The following DNAJC1 variants were observed in gnomAD, a reference collection of about 807,000 sequenced individuals.
DNAJC1 encodes the protein dnaJ homolog subfamily C member 1.
In DNAJC1, 58 loss-of-function variants were observed where a neutral mutation model predicts 76.6. The ratio of observed to expected loss-of-function variants is 0.76; its 90% CI spans 0.61 to 0.94. The LOEUF (loss-of-function observed/expected upper bound fraction) is 0.94, where lower values mean the gene tolerates loss of function less well. Among genes scored for constraint, DNAJC1 ranks in the 40% least tolerant of loss-of-function variants. The pLI is 0.00. For missense variants in DNAJC1, 689 were observed against 677.3 expected (o/e 1.02, Z -0.19); for synonymous variants, 258 against 267.9 (o/e 0.96, Z 0.36).
chr10:21,881,724 G>A (rs1836281638), intron 8 of DNAJC1, among the ~76,000 whole-genome samples: 2 of 151,210 alleles, frequency 1.3e-5, no homozygotes, highest in South Asian at 4.2e-4. Context: ...GTAATGAAAA[G>A]TTTGAAATAC....
At chr10:21,766,614 AT>A (rs1325243109) in intron 9 of DNAJC1, among the ~76,000 whole-genome samples, 4 of 151,392 alleles carry the variant, frequency 2.6e-5, no homozygotes, top group Non-Finnish European at 4.4e-5. Context: ...TTTCATTTTT[AT>A]TTTTTTTTAA....
At chr10:21,833,502 A>C (rs1040742819) in intron 8 of DNAJC1, among the ~76,000 whole-genome samples, 1 of 152,162 alleles carries the variant, frequency 6.6e-6, no homozygotes, top group Non-Finnish European at 1.5e-5. Flanking sequence ...TAAATTTAAA[A>C]AAGCATGAAT....
chr10:21,837,067 C>T (rs113311567), intron 8 of DNAJC1, among the ~76,000 whole-genome samples: 2,074 of 152,366 alleles, frequency 0.014, 23 homozygotes, highest in Non-Finnish European at 0.021. Flanking sequence ...TGCGCCGCCA[C>T]GCCTGACTGG....
At chr10:21,826,332 T>G (rs1197273744) in intron 8 of DNAJC1, among the ~76,000 whole-genome samples, 1 of 152,048 alleles carries the variant, frequency 6.6e-6, no homozygotes, top group African/African-American at 2.4e-5. Context: ...CTCTCTCTTT[T>G]TATTTTAGAG....
rs1836173489 is a variant in DNAJC1, at chr10:21,875,539, T to A, written c.978+6743A>T. Among the ~76,000 whole-genome samples, 3 of 152,254 alleles carry A rather than the reference T, an allele frequency of 2.0e-5. No homozygotes were observed. The South Asian group carries it at 6.2e-4, about 31-fold the overall frequency. ...TTTGAGATTGGGAATGAAACAAGGA[T>A]ACTTGTTATCATCACTTCTATTCTA... On this transcript the variant is annotated intron_variant, in intron 8 of 11. Coordinates refer to ENST00000376980, the MANE Select transcript of DNAJC1 (RefSeq NM_022365.4).
intron 8 of DNAJC1, among the ~76,000 whole-genome samples, chr10:21,879,549 A>G (rs920504166): frequency 2.0e-5 from 3 of 152,124 alleles, no homozygotes; most frequent in Admixed American, 2.0e-4. Flanking sequence ...GCTTGAACCC[A>G]GAAGGCAGAG....
intron 9 of DNAJC1, among the ~76,000 whole-genome samples, chr10:21,778,258 G>A (rs1409511234): frequency 6.6e-6 from 1 of 152,126 alleles, no homozygotes; most frequent in Non-Finnish European, 1.5e-5. Flanking sequence ...AGCAATATGA[G>A]GACCTGCAAA....
Position 22,000,994 on chromosome 10 carries a change from T to C in DNAJC1, c.222+2219A>G, listed in dbSNP as rs190056372. Among the ~76,000 whole-genome samples, 4 of 152,344 alleles carry C rather than the reference T, an allele frequency of 2.6e-5. No individual in the cohort carries two copies. The East Asian group carries it at 7.7e-4, about 29-fold the overall frequency. Reference sequence around the variant, plus strand: ...TTACCCACATGGCTTACTCCCTAACTTCTCTCAGAGGCCTGCTCTGACCAT... The same window carrying C: ...TTACCCACATGGCTTACTCCCTAACCTCTCTCAGAGGCCTGCTCTGACCAT... On this transcript the variant is annotated intron_variant, in intron 1 of 11. Transcript: ENST00000376980.
At chr10:21,805,166 C>A (rs948311703) in intron 9 of DNAJC1, among the ~76,000 whole-genome samples, 1 of 151,900 alleles carries the variant, frequency 6.6e-6, no homozygotes, top group South Asian at 2.1e-4. Context: ...CTTTCAGTAA[C>A]CCTCTAAGTA....
intron 9 of DNAJC1, among the ~76,000 whole-genome samples, chr10:21,804,418 T>C (rs1455603919): frequency 6.6e-6 from 1 of 152,070 alleles, no homozygotes; most frequent in Non-Finnish European, 1.5e-5. Context: ...CTTTTGATAA[T>C]CACTGTATTA....
chr10:21,944,372 T>C (rs1293603814), intron 1 of DNAJC1, among the ~76,000 whole-genome samples: 1 of 152,226 alleles, frequency 6.6e-6, no homozygotes, highest in African/African-American at 2.4e-5. Context: ...TAATATTCCA[T>C]TCCATACTGA....
chr10:21,816,506 G>A (rs994686147), intron 8 of DNAJC1, among the ~76,000 whole-genome samples: 42 of 151,014 alleles, frequency 2.8e-4, no homozygotes, highest in African/African-American at 8.5e-4. Flanking sequence ...ACAGGAGCTC[G>A]AGACCAGCCT....
intron 7 of DNAJC1, among the ~76,000 whole-genome samples, chr10:21,890,340 G>A (rs1836441518): frequency 1.3e-5 from 2 of 150,568 alleles, no homozygotes; most frequent in South Asian, 2.1e-4. Flanking sequence ...TTGAACCTGC[G>A]AGGCAGAGGT....
intron 1 of DNAJC1, among the ~76,000 whole-genome samples, chr10:21,970,307 T>C (rs1385887113): frequency 6.6e-6 from 1 of 152,084 alleles, no homozygotes; most frequent in Non-Finnish European, 1.5e-5. Flanking sequence ...AATAAATTAA[T>C]ACTCTCATTT....
chr10:21,991,198 G>A (rs761109351), intron 1 of DNAJC1, among the ~76,000 whole-genome samples: 3 of 152,116 alleles, frequency 2.0e-5, no homozygotes, highest in African/African-American at 7.2e-5. Context: ...TAGGGAGAAT[G>A]GGCACCCTGA....
intron 1 of DNAJC1, among the ~76,000 whole-genome samples, chr10:21,954,140 A>G (rs1837642923): frequency 6.6e-6 from 1 of 152,194 alleles, no homozygotes; most frequent in African/African-American, 2.4e-5. Flanking sequence ...TGAGAGGAAT[A>G]GCGATGAGAA....
intron 1 of DNAJC1, among the ~76,000 whole-genome samples, chr10:21,955,397 T>A (rs1837661221): frequency 6.6e-6 from 1 of 152,186 alleles, no homozygotes; most frequent in East Asian, 1.9e-4. Context: ...ATAATGGAGA[T>A]ACAGTGTATA....
intron 8 of DNAJC1, among the ~76,000 whole-genome samples, chr10:21,829,526 A>AT (rs1835321505): frequency 6.6e-6 from 1 of 150,782 alleles, no homozygotes; most frequent in Non-Finnish European, 1.5e-5. Flanking sequence ...ATTTTTTTGT[A>AT]TTTTTACTAG....
chr10:21,768,096 T>C (rs1448151747), intron 9 of DNAJC1, among the ~76,000 whole-genome samples: 1 of 152,232 alleles, frequency 6.6e-6, no homozygotes, highest in Admixed American at 6.5e-5. Flanking sequence ...TTCAGACTTC[T>C]ATTGTATATT....
Sources: gnomAD v4.1 joint callset for allele counts (sites outside exome capture counted in the v4.1 genomes callset) on GRCh38, gnomAD v4.1.1 for gene constraint, MANE v1.5 for transcripts, NCBI Gene and HGNC (gene_info 2026-07-23, HGNC 2026-07-21) for gene names.